TRIM55: variants seen among roughly 807,000 people sequenced by gnomAD.
TRIM55 encodes tripartite motif containing 55.
Under a neutral mutation model 60.9 loss-of-function variants are expected in TRIM55, and 50 were observed. The observed-to-expected ratio is 0.82, with a 90% confidence interval of 0.65 to 1.04. TRIM55 has a LOEUF of 1.04. TRIM55 is among the 50% of genes least tolerant of loss of function. The pLI, the probability that TRIM55 is intolerant of heterozygous loss-of-function variation, is 0.00. For missense variants in TRIM55, 681 were observed against 666.9 expected (o/e 1.02, Z -0.23); for synonymous variants, 237 against 238.1 (o/e 1.00, Z 0.04).
At chr8:66,156,379 C>CA (rs1216776499) in intron 9 of TRIM55, among the ~76,000 whole-genome samples, 2 of 152,144 alleles carry the variant, frequency 1.3e-5, no homozygotes, top group Admixed American at 1.3e-4. Context: ...TACCAGCTAT[C>CA]AGGAATTAGA....
chr8:66,162,538 T>C (rs1811111864), intron 9 of TRIM55, among the ~76,000 whole-genome samples: 1 of 151,984 alleles, frequency 6.6e-6, no homozygotes, highest in African/African-American at 2.4e-5. Flanking sequence ...CTTCATAGAA[T>C]GATTTAAGGA....
At chr8:66,165,437 C>A (rs866200161) in intron 9 of TRIM55, among the ~76,000 whole-genome samples, 3 of 151,366 alleles carry the variant, frequency 2.0e-5, no homozygotes, top group African/African-American at 7.3e-5. Context: ...AAAAAAAAAA[C>A]TAGAGACTAA....
intron 9 of TRIM55, among the ~76,000 whole-genome samples, chr8:66,167,988 A>G (rs1287255235): frequency 6.6e-6 from 1 of 152,082 alleles, no homozygotes; most frequent in Non-Finnish European, 1.5e-5. Flanking sequence ...GACCTCAAGC[A>G]ATCCTCCTGC....
At chr8:66,113,470 G>T in the TRIM55 span, 3 of 454,406 alleles carry the variant, frequency 6.6e-6, no homozygotes, top group South Asian at 1.6e-5. Context: ...GACAAGTGCG[G>T]TTTTTTTCTC....
At chr8:66,152,285 G>A (rs1810473080) in intron 7 of TRIM55, 92 bp from the exon 8 acceptor site, 1 of 1,469,692 alleles carries the variant, frequency 6.8e-7, no homozygotes, top group East Asian at 2.5e-5. Context: ...CCCCAGCCTT[G>A]ACCTTAACTA....
chr8:66,168,790 C>G (rs1325273950), intron 9 of TRIM55, among the ~76,000 whole-genome samples: 1 of 152,180 alleles, frequency 6.6e-6, no homozygotes, highest in Non-Finnish European at 1.5e-5. Context: ...CTCAAGGCCC[C>G]CAATATCTCC....
intron 9 of TRIM55, among the ~76,000 whole-genome samples, chr8:66,170,943 C>G (rs911464761): frequency 1.3e-4 from 20 of 152,314 alleles, no homozygotes; most frequent in African/African-American, 4.8e-4. Flanking sequence ...AGCATGCACT[C>G]TGACAGAGCC....
chr8:66,117,450 T>C, the TRIM55 span, among the ~76,000 whole-genome samples: 2 of 152,260 alleles, frequency 1.3e-5, no homozygotes, highest in Admixed American at 6.5e-5. Flanking sequence ...TTTTTAGATT[T>C]TTTAAATGTG....
chr8:66,136,039 T>G (rs1488652469), intron 3 of TRIM55, among the ~76,000 whole-genome samples: 1 of 152,190 alleles, frequency 6.6e-6, no homozygotes. Context: ...GAAGCAAAAC[T>G]CTTGGGCAAC....
intron 9 of TRIM55, among the ~76,000 whole-genome samples, chr8:66,163,634 A>G (rs934778160): frequency 2.0e-5 from 3 of 152,212 alleles, no homozygotes; most frequent in Admixed American, 6.5e-5. Context: ...AAAGACCAGA[A>G]TATACTTTAT....
intron 9 of TRIM55, among the ~76,000 whole-genome samples, chr8:66,157,540 A>C (rs1339333503): frequency 6.6e-6 from 1 of 152,182 alleles, no homozygotes; most frequent in Non-Finnish European, 1.5e-5. Context: ...TACCTTGAGT[A>C]TTTAGGATGT....
the TRIM55 span, chr8:66,113,644 T>TCCCAGCGCAG: frequency 2.2e-6 from 1 of 454,258 alleles, no homozygotes; most frequent in Non-Finnish European, 4.4e-6. Context: ...CCGGGCAGGT[T>TCCCAGCGCAG]CCCAGCGCAG....
chr8:66,139,504 T>C (rs1398644495), intron 4 of TRIM55, among the ~76,000 whole-genome samples: 1 of 152,228 alleles, frequency 6.6e-6, no homozygotes, highest in Non-Finnish European at 1.5e-5. Flanking sequence ...GTGCTGTTTT[T>C]ATTCACCGAA....
intron 2 of TRIM55, among the ~76,000 whole-genome samples, chr8:66,131,825 A>G (rs1809176083): frequency 6.6e-6 from 1 of 152,180 alleles, no homozygotes; most frequent in Non-Finnish European, 1.5e-5. Flanking sequence ...CAAGTAGGTC[A>G]TGTCCCTTCA....
At chr8:66,121,061 A>C in the TRIM55 span, among the ~76,000 whole-genome samples, 4 of 152,158 alleles carry the variant, frequency 2.6e-5, no homozygotes, top group African/African-American at 9.7e-5. Context: ...GCCTGGTTCC[A>C]TTTGGCCCGG....
At chr8:66,137,929 T>G (rs1809580218) in intron 4 of TRIM55, among the ~76,000 whole-genome samples, 1 of 152,152 alleles carries the variant, frequency 6.6e-6, no homozygotes, top group Admixed American at 6.5e-5. Context: ...TAAAGAGAGT[T>G]AGCTATGTGG....
At chr8:66,129,363 A>G (rs1024172690) in intron 2 of TRIM55, among the ~76,000 whole-genome samples, 1 of 152,202 alleles carries the variant, frequency 6.6e-6, no homozygotes, top group African/African-American at 2.4e-5. Context: ...GAGACCATCT[A>G]GAAATGGCCT....
At chr8:66,135,925 C>T (rs949644876) in intron 3 of TRIM55, among the ~76,000 whole-genome samples, 6 of 152,038 alleles carry the variant, frequency 3.9e-5, no homozygotes, top group Non-Finnish European at 7.4e-5. Flanking sequence ...CTCCAGGCAC[C>T]GAGAACTTGA....
intron 1 of TRIM55, among the ~76,000 whole-genome samples, chr8:66,127,935 C>T (rs895469605): frequency 5.3e-5 from 8 of 152,202 alleles, no homozygotes; most frequent in Non-Finnish European, 8.8e-5. Context: ...CCTCTTTACT[C>T]CCAAATCTAG....
Sources: gnomAD v4.1 joint callset for allele counts (sites outside exome capture counted in the v4.1 genomes callset) on GRCh38, gnomAD v4.1.1 for gene constraint, MANE v1.5 for transcripts, NCBI Gene and HGNC (gene_info 2026-07-23, HGNC 2026-07-21) for gene names.